TMEM62: variants seen among roughly 807,000 people sequenced by gnomAD.
TMEM62 encodes the protein transmembrane protein 62.
Under a neutral mutation model 70.4 loss-of-function variants are expected in TMEM62, and 41 were observed. That is an observed-to-expected ratio of 0.58 (90% CI 0.45 to 0.76). The LOEUF (loss-of-function observed/expected upper bound fraction) is 0.76, where lower values mean the gene tolerates loss of function less well. Ranked by LOEUF, TMEM62 falls within the 30% of genes least tolerant of loss-of-function variation. The pLI, the probability that TMEM62 is intolerant of heterozygous loss-of-function variation, is 0.00. For synonymous variants in TMEM62, 268 were observed against 291.0 expected, an observed-to-expected ratio of 0.92 and a Z score of 0.80; for missense variants, 688 against 788.5, an observed-to-expected ratio of 0.87 and a Z score of 1.53.
chr15:43,133,879 A>G lies in TMEM62; in HGVS notation c.77A>G (p.Tyr26Cys). The G allele has an allele frequency of 6.7e-7, 1 of 1,500,694 alleles. No individual in the cohort carries two copies. The highest frequency in any genetic ancestry group is 8.8e-7 in the Non-Finnish European group (1 of 1,133,226). 93.0% of individuals were successfully genotyped at this position (1,500,694 alleles called of 1,614,324 possible). Residue 26 changes from tyrosine (Y) to cysteine (C), a missense_variant, in exon 1 of 14, where the codon TAC becomes TGC. Tyr to Cys is a radical substitution (Grantham distance 194). Coordinates refer to ENST00000260403, the MANE Select transcript of TMEM62 (RefSeq NM_024956.4). ...CTGGTGGCCATGCTCTTGGAGCACT[A>G]CGGCCTGGCGGGCCAGCCCTCGCCG... ...AALVAMLLEH[Y>C]GLAGQPSPLP...
intron 10 of TMEM62, among the ~76,000 whole-genome samples, chr15:43,166,557 CTT>C (rs1163961554): frequency 9.1e-5 from 12 of 131,968 alleles, no homozygotes; most frequent in Admixed American, 1.5e-4. Flanking sequence ...TGAGGTTTTT[CTT>C]TTTTTTTTTT....
At chr15:43,173,767 C>T (rs1355075897) in intron 11 of TMEM62, among the ~76,000 whole-genome samples, 1 of 151,180 alleles carries the variant, frequency 6.6e-6, no homozygotes, top group Non-Finnish European at 1.5e-5. Context: ...TAATTCTATA[C>T]TTAATTAGAC....
rs778618875 is a variant in TMEM62 at position 43,134,310 on chromosome 15, A to G, written c.234A>G (p.Leu78=). ...GAGATCCAGGCAGAGCGGTAGACTTAGAGAAATTCTGTTCTGAAACTATTG... is the reference window on the plus strand; with the variant it reads ...GAGATCCAGGCAGAGCGGTAGACTTGGAGAAATTCTGTTCTGAAACTATTG... The part of the protein sequence containing the change: ...RFRDPGRAVD[L]EKFCSETIDI... The change falls in exon 2 of 14, where the codon TTA becomes TTG. Residue 78 remains leucine, a synonymous_variant. Coordinates refer to ENST00000260403, the MANE Select transcript of TMEM62 (RefSeq NM_024956.4). 6.2e-7 allele frequency: 1 copy of G among 1,614,158 alleles called. No individual in the cohort carries two copies. The highest frequency in any genetic ancestry group is 2.2e-5 in the East Asian group (1 of 44,880).
chr15:43,170,430 T>C (rs2041788719), intron 11 of TMEM62, among the ~76,000 whole-genome samples: 1 of 152,160 alleles, frequency 6.6e-6, no homozygotes, highest in Admixed American at 6.5e-5. Flanking sequence ...TTTAAAACAC[T>C]TGGTCAGAAT....
chr15:43,182,490 G>C (rs1330597783), intron 13 of TMEM62, among the ~76,000 whole-genome samples: 3 of 137,112 alleles, frequency 2.2e-5, no homozygotes, highest in Non-Finnish European at 4.6e-5. Flanking sequence ...TCTCGATCTT[G>C]TCGTCCAGGC....
intron 7 of TMEM62, among the ~76,000 whole-genome samples, chr15:43,151,543 C>T (rs996513165): frequency 3.3e-5 from 5 of 151,944 alleles, no homozygotes; most frequent in Non-Finnish European, 5.9e-5. Flanking sequence ...GAGTACATGC[C>T]GTGTACCAGG....
rs768391540 is a variant in TMEM62, at chr15:43,148,742, T to C, written c.619-13T>C. ...CCCTAATTTAAGATCCTTCCATTTTTCTCCCATCTCAGAAAAAGATGGAGG... is the reference window on the plus strand; with the variant it reads ...CCCTAATTTAAGATCCTTCCATTTTCCTCCCATCTCAGAAAAAGATGGAGG... On this transcript the variant is annotated splice_polypyrimidine_tract_variant and intron_variant, in intron 5 of 13. Transcript: ENST00000260403. The C allele has an allele frequency of 1.2e-6, 2 of 1,609,792 alleles. No individual in the cohort carries two copies. Among genetic ancestry groups the C allele is most frequent in the South Asian group, 2.2e-5 (2 of 89,852 alleles).
At chr15:43,154,873 G>A (rs758674115) in intron 9 of TMEM62, 42 bp downstream of exon 9, 1 of 1,486,618 alleles carries the variant, frequency 6.7e-7, no homozygotes, top group Non-Finnish European at 9.0e-7. Context: ...TGATTAAGCT[G>A]TAGCCACAAT....
intron 2 of TMEM62, among the ~76,000 whole-genome samples, chr15:43,134,953 A>G (rs1395288512): frequency 6.6e-6 from 1 of 152,116 alleles, no homozygotes; most frequent in Non-Finnish European, 1.5e-5. Context: ...TCACTCATCC[A>G]CCTTATTGAA....
intron 8 of TMEM62, among the ~76,000 whole-genome samples, chr15:43,153,889 A>G (rs148430104): frequency 6.6e-6 from 1 of 152,250 alleles, no homozygotes; most frequent in East Asian, 1.9e-4. Context: ...TATGGTAATT[A>G]TCTGTTTAAT....
At chr15:43,150,885 G>T (rs1043430963) in intron 7 of TMEM62, among the ~76,000 whole-genome samples, 1 of 152,228 alleles carries the variant, frequency 6.6e-6, no homozygotes, top group African/African-American at 2.4e-5. Flanking sequence ...GGAATGTGTA[G>T]AGAATTTCGT....
rs1191205655 is a variant in TMEM62 at position 43,160,843 on chromosome 15, A to G, written c.1296+49A>G. 1.2e-5 allele frequency: 14 copies of G among 1,157,874 alleles called. No homozygotes were observed. The Admixed American group carries it at 2.7e-4, about 22-fold the overall frequency. The allele number at this position is 1,157,874 out of a possible 1,614,324, so 71.7% of individuals were successfully genotyped here. On this transcript the variant is annotated intron_variant, in intron 10 of 13. Coordinates refer to ENST00000260403, the MANE Select transcript of TMEM62 (RefSeq NM_024956.4). The stretch of plus-strand genomic sequence containing the variant: ...ACATATGTTAAATGCAGAGTCCTAA[A>G]TAATATACAGTAGTCCTCCCTTATC...
chr15:43,178,533 ATCT>A (rs1197731180), intron 11 of TMEM62, 71 bp from the exon 12 acceptor site: 51 of 926,776 alleles, frequency 5.5e-5, no homozygotes, highest in South Asian at 5.4e-4. Context: ...GCCCATGAAA[ATCT>A]TCTAGAAAAT....
chr15:43,137,307 C>T (rs897588791), intron 3 of TMEM62, among the ~76,000 whole-genome samples: 23 of 152,188 alleles, frequency 1.5e-4, no homozygotes, highest in African/African-American at 5.6e-4. Flanking sequence ...ATGATTAAGA[C>T]AAGAGCAACT....
chr15:43,133,782 G>A lies in TMEM62; in HGVS notation c.-21G>A, dbSNP rs2034730010. 8 of 1,349,636 alleles carry A rather than the reference G, an allele frequency of 5.9e-6. No individual in the cohort carries two copies. The highest frequency in any genetic ancestry group is 5.7e-5 in the South Asian group (3 of 52,326). 83.6% of individuals were successfully genotyped at this position (1,349,636 alleles called of 1,614,324 possible). ...GTCCTGCGCGGGATCAGCGAGGGCC[G>A]CGCCCCGGCGGGCGGGCGGCATGGC... On this transcript the variant is annotated 5_prime_UTR_variant, in exon 1 of 14. Coordinates refer to ENST00000260403, the MANE Select transcript of TMEM62 (RefSeq NM_024956.4).
intron 10 of TMEM62, among the ~76,000 whole-genome samples, chr15:43,166,557 CTTTTTTTTTT>C (rs1163961554): frequency 7.6e-6 from 1 of 132,014 alleles, no homozygotes; most frequent in Non-Finnish European, 1.7e-5. Context: ...TGAGGTTTTT[CTTTTTTTTTT>C]TTTTTTTATT....
At chr15:43,156,750 A>T (rs2038092421) in intron 9 of TMEM62, among the ~76,000 whole-genome samples, 1 of 152,192 alleles carries the variant, frequency 6.6e-6, no homozygotes, top group African/African-American at 2.4e-5. Context: ...ATCAAGGTAT[A>T]ATTTATACAT....
chr15:43,154,646 G>A (rs376678611), intron 8 of TMEM62, 26 bp from the exon 9 acceptor site: 2 of 1,577,250 alleles, frequency 1.3e-6, no homozygotes, highest in Admixed American at 3.9e-5. Context: ...CTCAAACCAT[G>A]TGTTTTATAT....
rs980707327 is a variant in TMEM62, at chr15:43,184,435, A to G, written c.1781A>G (p.Tyr594Cys). The change falls in exon 14 of 14, where the codon TAT becomes TGT. Residue 594 changes from tyrosine (Y) to cysteine (C), a missense_variant. By Grantham distance (194) the Tyr-to-Cys change is radical. Transcript: ENST00000260403. ...CAGGTTTATTCCTGCTACTTTCTTT[A>G]TGCAACATACGGCACCCTAGCTTTT... Reference protein sequence around the residue: ...IWQVYSCYFLYATYGTLAFLF... With the variant: ...IWQVYSCYFLCATYGTLAFLF... 2.5e-6 allele frequency: 4 copies of G among 1,614,204 alleles called. No homozygotes were observed. Among genetic ancestry groups the G allele is most frequent in the South Asian group, 2.2e-5 (2 of 91,082 alleles).
Sources: gnomAD v4.1 joint callset for allele counts (sites outside exome capture counted in the v4.1 genomes callset) on GRCh38, gnomAD v4.1.1 for gene constraint, MANE v1.5 for transcripts, NCBI Gene and HGNC (gene_info 2026-07-23, HGNC 2026-07-21) for gene names.